Variants in GLIS3 observed in about 807,000 individuals in gnomAD.
The protein encoded by GLIS3 is GLIS family zinc finger 3, also known as zinc finger protein GLIS3.
A neutral mutation model predicts 78.6 loss-of-function variants in GLIS3; 53 were observed. The ratio of observed to expected loss-of-function variants is 0.67; its 90% CI spans 0.54 to 0.85. GLIS3 has a LOEUF of 0.85. Ranked by LOEUF, GLIS3 falls within the 40% of genes least tolerant of loss-of-function variation. GLIS3 has a pLI of 0.00. For missense variants in GLIS3, 1,703 were observed against 1,231.1 expected (o/e 1.38, Z -5.74); for synonymous variants, 684 against 509.9 (o/e 1.34, Z -4.60).
At chr9:3,864,523 C>T (rs981541335) in intron 8 of GLIS3, among the ~76,000 whole-genome samples, 2 of 152,208 alleles carry the variant, frequency 1.3e-5, no homozygotes, top group African/African-American at 4.8e-5. Flanking sequence ...AAACGCAGTA[C>T]TCCTGCCAAG....
At chr9:4,404,199 G>A in the GLIS3 span, among the ~76,000 whole-genome samples, 11 of 152,210 alleles carry the variant, frequency 7.2e-5, no homozygotes, top group East Asian at 1.9e-4. Context: ...TGCACCCAAC[G>A]CTGGAGCAAC....
chr9:4,050,537 G>A (rs1588542062), intron 4 of GLIS3, among the ~76,000 whole-genome samples: 1 of 152,070 alleles, frequency 6.6e-6, no homozygotes, highest in Non-Finnish European at 1.5e-5. Context: ...CATGGCACAT[G>A]TATACCCATG....
chr9:4,158,156 A>G (rs187518510), intron 2 of GLIS3, among the ~76,000 whole-genome samples: 1 of 152,270 alleles, frequency 6.6e-6, no homozygotes, highest in East Asian at 1.9e-4. Context: ...TGCCTCTTTT[A>G]AGCTGCTATT....
At chr9:3,885,490 G>A (rs1822015444) in intron 7 of GLIS3, among the ~76,000 whole-genome samples, 1 of 152,184 alleles carries the variant, frequency 6.6e-6, no homozygotes, top group Non-Finnish European at 1.5e-5. Context: ...TCACGTATAA[G>A]TAGTGCTAGA....
chr9:3,996,208 A>G (rs1035154555), intron 4 of GLIS3, among the ~76,000 whole-genome samples: 1 of 152,190 alleles, frequency 6.6e-6, no homozygotes, highest in Non-Finnish European at 1.5e-5. Flanking sequence ...GCTTTCAGAA[A>G]AATAAAAACT....
At chr9:4,044,328 G>C (rs1825074087) in intron 4 of GLIS3, among the ~76,000 whole-genome samples, 1 of 152,140 alleles carries the variant, frequency 6.6e-6, no homozygotes, top group African/African-American at 2.4e-5. Flanking sequence ...TCTGTACGAA[G>C]ACTGTAGGAG....
chr9:4,302,803 G>A (rs1029865523), upstream of GLIS3, among the ~76,000 whole-genome samples: 1 of 152,238 alleles, frequency 6.6e-6, no homozygotes, highest in Non-Finnish European at 1.5e-5. Context: ...GTCAGTGTTA[G>A]ATGAGCACAA....
chr9:3,992,621 T>C (rs1228333444), intron 4 of GLIS3, among the ~76,000 whole-genome samples: 1 of 152,236 alleles, frequency 6.6e-6, no homozygotes, highest in Non-Finnish European at 1.5e-5. Flanking sequence ...GTATTAAAGC[T>C]GGATGATGGA....
rs190402559 is a variant in GLIS3, at chr9:3,858,584, C to G, written c.2298-2400G>C. On this transcript the variant is annotated intron_variant, in intron 8 of 10. Coordinates refer to ENST00000381971, the MANE Select transcript of GLIS3 (RefSeq NM_001042413.2). ...TGTTAGTCAAATAAATGAATTTATACAATATAAAGTTAATATAATTTCAAA... is the reference window on the plus strand; with the variant it reads ...TGTTAGTCAAATAAATGAATTTATAGAATATAAAGTTAATATAATTTCAAA... 7.2e-5 allele frequency among the ~76,000 whole-genome samples: 11 copies of G among 152,024 alleles called. No homozygotes were observed. The East Asian group carries it at 2.1e-3, about 29-fold the overall frequency.
chr9:3,889,534 A>T (rs1410953339), intron 7 of GLIS3, among the ~76,000 whole-genome samples: 1 of 152,216 alleles, frequency 6.6e-6, no homozygotes, highest in Non-Finnish European at 1.5e-5. Flanking sequence ...TAAAATCTGC[A>T]TGTATTACAT....
intron 2 of GLIS3, among the ~76,000 whole-genome samples, chr9:4,337,761 G>C (rs182883563): frequency 6.6e-6 from 1 of 152,232 alleles, no homozygotes; most frequent in Admixed American, 6.5e-5. Flanking sequence ...CATAATAGTA[G>C]AGGTGGTAGC....
intron 4 of GLIS3, among the ~76,000 whole-genome samples, chr9:3,983,301 G>A (rs1588383310): frequency 1.3e-5 from 2 of 152,186 alleles, no homozygotes; most frequent in South Asian, 2.1e-4. Flanking sequence ...GGTCTCCCCA[G>A]CCATGTGGAA....
At chr9:4,265,902 T>G (rs960749541) in intron 2 of GLIS3, among the ~76,000 whole-genome samples, 52 of 93,932 alleles carry the variant, frequency 5.5e-4, no homozygotes, top group African/African-American at 2.5e-3. Flanking sequence ...CCCTGGTTTT[T>G]TTTTTGTTTG....
the GLIS3 span, among the ~76,000 whole-genome samples, chr9:4,490,240 G>C: frequency 6.6e-6 from 1 of 152,254 alleles, no homozygotes; most frequent in Non-Finnish European, 1.5e-5. Context: ...AAGCGAGACA[G>C]ACTCCAGTGG....
chr9:4,371,731 C>T, the GLIS3 span, among the ~76,000 whole-genome samples: 1 of 150,654 alleles, frequency 6.6e-6, no homozygotes, highest in Non-Finnish European at 1.5e-5. Context: ...ACAGAAATTA[C>T]ACCACGTTAC....
At chr9:3,944,116 A>G (rs1413604829) in intron 4 of GLIS3, among the ~76,000 whole-genome samples, 2 of 152,186 alleles carry the variant, frequency 1.3e-5, no homozygotes, top group Non-Finnish European at 2.9e-5. Flanking sequence ...GGTCATGAGG[A>G]AGCAGCTGAT....
At chr9:3,930,392 C>G (rs183181746) in intron 6 of GLIS3, among the ~76,000 whole-genome samples, 133 of 152,300 alleles carry the variant, frequency 8.7e-4, no homozygotes, top group African/African-American at 2.8e-3. Context: ...AAAGTATACT[C>G]TTCTTTATTT....
intron 4 of GLIS3, among the ~76,000 whole-genome samples, chr9:4,099,984 G>C (rs1206228906): frequency 1.3e-5 from 2 of 152,124 alleles, no homozygotes; most frequent in East Asian, 3.8e-4. Flanking sequence ...CAGTTTCCCA[G>C]CCTGTAAACT....
At chr9:4,018,278 C>T (rs575844989) in intron 4 of GLIS3, among the ~76,000 whole-genome samples, 1 of 152,180 alleles carries the variant, frequency 6.6e-6, no homozygotes, top group Admixed American at 6.5e-5. Flanking sequence ...GAAATAACTT[C>T]TAGGCTCTGC....
Sources: allele counts gnomAD v4.1 joint callset (sites outside exome capture counted in the v4.1 genomes callset), GRCh38; gene constraint gnomAD v4.1.1; transcripts MANE v1.5; gene names NCBI Gene and HGNC (gene_info 2026-07-23, HGNC 2026-07-21).